ALKBH3: variants seen among roughly 807,000 people sequenced by gnomAD.
ALKBH3 encodes alkB homolog 3, alpha-ketoglutarate dependent dioxygenase.
ALKBH3 carries 51 observed loss-of-function variants against 43.9 expected under a neutral mutation model. The ratio of observed to expected loss-of-function variants is 1.16; its 90% CI spans 0.93 to 1.47. The LOEUF is 1.47. ALKBH3 is among the 40% of genes most tolerant of loss of function. The pLI, the probability that ALKBH3 is intolerant of heterozygous loss-of-function variation, is 0.00. For missense variants in ALKBH3, 361 were observed against 351.9 expected, an observed-to-expected ratio of 1.03 and a Z score of -0.21; for synonymous variants, 102 against 115.2, an observed-to-expected ratio of 0.89 and a Z score of 0.73.
chr11:43,895,978 C>A (rs550481689), intron 7 of ALKBH3, among the ~76,000 whole-genome samples: 1 of 152,310 alleles, frequency 6.6e-6, no homozygotes, highest in Non-Finnish European at 1.5e-5. Context: ...AGTACTCCAG[C>A]TACAAACTAA....
At chr11:43,899,387 T>A in intron 7 of ALKBH3, 1 of 703,504 alleles carries the variant, frequency 1.4e-6, no homozygotes, top group South Asian at 1.4e-5. Flanking sequence ...TGTGCTCGCG[T>A]CCCTGCAGAT....
intron 6 of ALKBH3, among the ~76,000 whole-genome samples, chr11:43,890,698 T>C (rs537485336): frequency 6.6e-6 from 1 of 152,198 alleles, no homozygotes; most frequent in South Asian, 2.1e-4. Flanking sequence ...ACCCCATCTC[T>C]ACTAACAATA....
At chr11:43,892,411 C>T (rs1951790833) in intron 7 of ALKBH3, among the ~76,000 whole-genome samples, 2 of 152,146 alleles carry the variant, frequency 1.3e-5, no homozygotes, top group African/African-American at 4.8e-5. Context: ...TAGCTGTATT[C>T]CTTCTGTGTA....
At chr11:43,915,014 T>C (rs1252850150) in intron 8 of ALKBH3, among the ~76,000 whole-genome samples, 1 of 151,936 alleles carries the variant, frequency 6.6e-6, no homozygotes, top group Non-Finnish European at 1.5e-5. Context: ...AAGACCAGCC[T>C]GGCCAACATG....
At chr11:43,896,577 C>A (rs902144695) in intron 7 of ALKBH3, among the ~76,000 whole-genome samples, 1 of 152,130 alleles carries the variant, frequency 6.6e-6, no homozygotes, top group African/African-American at 2.4e-5. Flanking sequence ...GTCTGCCTTC[C>A]CTAGCCCACT....
At chr11:43,912,115 T>A (rs529285691) in intron 8 of ALKBH3, 1 of 151,828 alleles carries the variant, frequency 6.6e-6, no homozygotes, top group Admixed American at 6.6e-5. Context: ...AGAGTGAGAC[T>A]CCTTCTCAAA....
intron 7 of ALKBH3, chr11:43,897,906 A>T (rs184421794): frequency 5.9e-5 from 46 of 783,710 alleles, no homozygotes; most frequent in Admixed American, 5.6e-4. Context: ...TATTAAAAAA[A>T]GGAAAGAAAA....
At chr11:43,893,356 TG>T (rs1285783747) in intron 7 of ALKBH3, among the ~76,000 whole-genome samples, 1 of 152,044 alleles carries the variant, frequency 6.6e-6, no homozygotes. Context: ...GTTAAACATC[TG>T]GGGGGGCAAA....
intron 7 of ALKBH3, among the ~76,000 whole-genome samples, chr11:43,900,244 G>GAA (rs1951853043): frequency 2.2e-5 from 2 of 91,908 alleles, no homozygotes; most frequent in Non-Finnish European, 2.0e-5. Context: ...TTTTTTTTGC[G>GAA]ACAGAGTCTC....
intron 8 of ALKBH3, among the ~76,000 whole-genome samples, chr11:43,917,824 A>G (rs1951995753): frequency 6.6e-6 from 1 of 152,124 alleles, no homozygotes; most frequent in South Asian, 2.1e-4. Context: ...AATCACTGAA[A>G]CCAAAGTTAT....
intron 8 of ALKBH3, 153 bp from the exon 9 acceptor site, chr11:43,918,885 C>T: frequency 1.6e-6 from 1 of 613,752 alleles, no homozygotes; most frequent in Admixed American, 3.0e-5. Context: ...GGTAACTTGC[C>T]AACAGTCAAG....
chr11:43,897,695 T>C (rs1951829271), intron 7 of ALKBH3: 4 of 819,172 alleles, frequency 4.9e-6, no homozygotes, highest in Non-Finnish European at 8.8e-6. Flanking sequence ...ACGTTTATTT[T>C]GTCCAGAAGA....
chr11:43,889,692 T>G, intron 5 of ALKBH3, 33 bp from the exon 6 acceptor site: 1 of 1,576,168 alleles, frequency 6.3e-7, no homozygotes, highest in Non-Finnish European at 8.7e-7. Context: ...CTTTTCCATG[T>G]TTTTTGGTTA....
chr11:43,887,328 A>G (rs1382087067), intron 5 of ALKBH3, among the ~76,000 whole-genome samples: 1 of 152,052 alleles, frequency 6.6e-6, no homozygotes, highest in Non-Finnish European at 1.5e-5. Flanking sequence ...TCTTTTTGAG[A>G]CAGAGTTTTG....
Position 43,914,258 on chromosome 11 carries a change from T to C in ALKBH3, c.670-4780T>C, listed in dbSNP as rs1394016779. ...AATGCTAGCCTGCCCTCCTGCTAGC[T>C]TTTGCCTTAGAGAAATATTTTCCCT... is the stretch of plus-strand genomic sequence containing the variant. On this transcript the variant is annotated intron_variant, in intron 8 of 9. Coordinates refer to ENST00000302708, the MANE Select transcript of ALKBH3 (RefSeq NM_139178.4). Among the ~76,000 whole-genome samples, 4 of 152,324 alleles carry C rather than the reference T, an allele frequency of 2.6e-5. No homozygotes were observed. The East Asian group carries it at 5.8e-4, about 22-fold the overall frequency.
intron 7 of ALKBH3, chr11:43,898,696 G>A (rs1391622753): frequency 5.6e-6 from 4 of 716,216 alleles, no homozygotes; most frequent in Non-Finnish European, 1.0e-5. Context: ...GGTGGTGAAG[G>A]CCAGTTACCC....
At chr11:43,897,542 G>A (rs1130575) in intron 7 of ALKBH3, 6 of 775,236 alleles carry the variant, frequency 7.7e-6, no homozygotes, top group South Asian at 5.4e-5. Context: ...GGTTCCCTAC[G>A]TGTCCTTTGA....
At chr11:43,890,448 G>A (rs1219344113) in intron 6 of ALKBH3, among the ~76,000 whole-genome samples, 2 of 152,088 alleles carry the variant, frequency 1.3e-5, no homozygotes, top group African/African-American at 4.8e-5. Flanking sequence ...ATTTTTTTCT[G>A]GCACATTGAG....
At chr11:43,907,228 T>TGTGC (rs1157145963) in intron 8 of ALKBH3, among the ~76,000 whole-genome samples, 3 of 151,896 alleles carry the variant, frequency 2.0e-5, no homozygotes, top group African/African-American at 7.3e-5. Context: ...TGTGTGTGTG[T>TGTGC]GCGTGTGTGT....
Sources: gnomAD v4.1 joint callset for allele counts (sites outside exome capture counted in the v4.1 genomes callset) on GRCh38, gnomAD v4.1.1 for gene constraint, MANE v1.5 for transcripts, NCBI Gene and HGNC (gene_info 2026-07-23, HGNC 2026-07-21) for gene names.